The following CERT1 variants were observed in gnomAD, a reference collection of about 807,000 sequenced individuals.
CERT1 encodes ceramide transporter 1, also known as ceramide transfer protein.
CERT1 carries 31 observed loss-of-function variants against 87.9 expected under a neutral mutation model. That is an observed-to-expected ratio of 0.35 (90% CI 0.27 to 0.48). CERT1 has a LOEUF of 0.48. Ranked by LOEUF, CERT1 falls within the 20% of genes least tolerant of loss-of-function variation. The pLI is 0.99. For missense variants in CERT1, 487 were observed against 758.0 expected (o/e 0.64, Z 4.20); for synonymous variants, 289 against 250.9 (o/e 1.15, Z -1.44).
intron 5 of CERT1, among the ~76,000 whole-genome samples, 199 bp from the exon 6 acceptor site, chr5:75,419,623 T>C (rs1169382492): frequency 6.6e-6 from 1 of 152,030 alleles, no homozygotes; most frequent in African/African-American, 2.4e-5. Flanking sequence ...AAAATCTTAA[T>C]CTCTCTCTCT....
At chr5:75,496,345 C>G (rs887762832) in intron 2 of CERT1, among the ~76,000 whole-genome samples, 2 of 149,942 alleles carry the variant, frequency 1.3e-5, no homozygotes, top group African/African-American at 4.9e-5. Flanking sequence ...AAATGCCAAG[C>G]AAATGGAATT....
At chr5:75,397,593 C>T (rs1035226842) in intron 11 of CERT1, among the ~76,000 whole-genome samples, 1 of 152,090 alleles carries the variant, frequency 6.6e-6, no homozygotes, top group East Asian at 1.9e-4. Flanking sequence ...CATTTATAGC[C>T]TATGTATTCC....
chr5:75,474,076 TA>T (rs1447703120), intron 2 of CERT1, among the ~76,000 whole-genome samples: 5 of 152,116 alleles, frequency 3.3e-5, no homozygotes, highest in Non-Finnish European at 7.4e-5. Flanking sequence ...CTAAACCCAG[TA>T]GTTAAAAATC....
At chr5:75,430,964 C>A (rs1763837683) in intron 3 of CERT1, among the ~76,000 whole-genome samples, 1 of 152,132 alleles carries the variant, frequency 6.6e-6, no homozygotes, top group Non-Finnish European at 1.5e-5. Context: ...TCCCTTGCAT[C>A]CAGAAGTTCG....
In CERT1 at chr5:75,410,742, T is replaced by C. The variant is rs185361967; in HGVS notation, c.930+269A>G. On this transcript the variant is annotated intron_variant, in intron 8 of 16. Transcript: ENST00000643780. The stretch of plus-strand genomic sequence containing the variant: ...AAGTAGATAACATTAAAAATGATCA[T>C]CTTTACAGGGGAGATAAAAATTTGT... 5.5e-3 allele frequency: 1,237 copies of C among 226,092 alleles called. 13 individuals are homozygous for C. Among genetic ancestry groups the C allele is most frequent in the African/African-American group, 0.024 (1,046 of 44,314 alleles). 14.0% of individuals were successfully genotyped at this position (226,092 alleles called of 1,614,324 possible).
At chr5:75,465,302 C>T (rs1184336299) in intron 2 of CERT1, among the ~76,000 whole-genome samples, 1 of 152,136 alleles carries the variant, frequency 6.6e-6, no homozygotes, top group Non-Finnish European at 1.5e-5. Flanking sequence ...CCTATTCTAC[C>T]CTGACAGTAG....
chr5:75,427,505 A>C (rs1482843620), intron 3 of CERT1, among the ~76,000 whole-genome samples: 1 of 152,212 alleles, frequency 6.6e-6, no homozygotes, highest in South Asian at 2.1e-4. Flanking sequence ...AGGCTGAGGC[A>C]GGAGAATCGC....
At chr5:75,400,184 T>A in intron 10 of CERT1, 21 bp downstream of exon 10, 1 of 1,496,940 alleles carries the variant, frequency 6.7e-7, no homozygotes, top group Non-Finnish European at 9.3e-7. Context: ...GTACTTTTAG[T>A]AAACTCTGAC....
chr5:75,503,917 A>ATT (rs1580866991), intron 2 of CERT1, among the ~76,000 whole-genome samples: 11 of 150,624 alleles, frequency 7.3e-5, no homozygotes, highest in South Asian at 2.1e-4. Context: ...TTTAATTTAA[A>ATT]ATTTTCTTTT....
At chr5:75,404,154 C>G (rs1456365001) in intron 8 of CERT1, among the ~76,000 whole-genome samples, 1 of 152,086 alleles carries the variant, frequency 6.6e-6, no homozygotes, top group Non-Finnish European at 1.5e-5. Flanking sequence ...CGTCCTATCC[C>G]CACCATAACC....
At chr5:75,398,338 G>C (rs901757459) in intron 11 of CERT1, among the ~76,000 whole-genome samples, 39 of 152,100 alleles carry the variant, frequency 2.6e-4, no homozygotes, top group African/African-American at 7.0e-4. Context: ...ACTTTTATTA[G>C]CTCAAAGAAA....
chr5:75,394,887 A>C (rs910787916), intron 11 of CERT1, among the ~76,000 whole-genome samples: 1 of 152,254 alleles, frequency 6.6e-6, no homozygotes, highest in Non-Finnish European at 1.5e-5. Context: ...CATATGGATA[A>C]GTACATACAC....
chr5:75,454,471 A>T (rs1323931166), intron 3 of CERT1, among the ~76,000 whole-genome samples: 2 of 152,240 alleles, frequency 1.3e-5, no homozygotes, highest in East Asian at 3.8e-4. Context: ...AAATAAAGCA[A>T]ATTCAAAAGA....
chr5:75,484,564 A>G (rs1391686983), intron 2 of CERT1, among the ~76,000 whole-genome samples: 3 of 152,098 alleles, frequency 2.0e-5, no homozygotes, highest in Non-Finnish European at 2.9e-5. Flanking sequence ...AAGATATTCC[A>G]TGCCAATGGA....
At position 75,478,971 on chromosome 5, in the gene CERT1, T is replaced by G. The variant is rs189189336; in HGVS notation, c.232-19790A>C. Among the ~76,000 whole-genome samples the G allele has an allele frequency of 3.9e-4, 32 of 81,728 alleles. No individual in the cohort carries two copies. In the East Asian group the frequency reaches 0.012, roughly 30 times the overall value. The allele number at this position is 81,728 out of a possible 152,430, so 53.6% of individuals were successfully genotyped here. A position where few individuals can be genotyped will look rare whatever the true frequency, so the allele number is the denominator to read the frequency against. On this transcript the variant is annotated intron_variant, in intron 2 of 16. Transcript: ENST00000643780. The stretch of plus-strand genomic sequence containing the variant: ...CGCGTTTGTCAAAAGGACCAAGAAA[T>G]CAGCTCGAAGGTGCTTCTATTAGCC...
intron 2 of CERT1, among the ~76,000 whole-genome samples, chr5:75,461,422 T>C (rs1285130881): frequency 2.6e-5 from 4 of 152,128 alleles, no homozygotes; most frequent in African/African-American, 9.7e-5. Flanking sequence ...ATGGAAAAAT[T>C]GTCTTTCATG....
At chr5:75,414,370 A>C (rs1763054122) in intron 7 of CERT1, among the ~76,000 whole-genome samples, 2 of 152,220 alleles carry the variant, frequency 1.3e-5, no homozygotes, top group South Asian at 4.1e-4. Context: ...TAGTATACTT[A>C]AGATTGGTAC....
chr5:75,449,220 G>A (rs948146623), intron 3 of CERT1, among the ~76,000 whole-genome samples: 1 of 152,062 alleles, frequency 6.6e-6, no homozygotes, highest in Non-Finnish European at 1.5e-5. Context: ...ACAGAAAAAT[G>A]ACAAACCAAG....
At chr5:75,397,335 A>G (rs186292788) in intron 11 of CERT1, among the ~76,000 whole-genome samples, 4 of 152,328 alleles carry the variant, frequency 2.6e-5, no homozygotes, top group Admixed American at 2.6e-4. Flanking sequence ...ATCCAGCAAG[A>G]TTTCTCTCAA....
Sources: gnomAD v4.1 joint callset for allele counts (sites outside exome capture counted in the v4.1 genomes callset) on GRCh38, gnomAD v4.1.1 for gene constraint, MANE v1.5 for transcripts, NCBI Gene and HGNC (gene_info 2026-07-23, HGNC 2026-07-21) for gene names.